Variants in GPCPD1 observed in about 807,000 individuals in gnomAD.
The protein encoded by GPCPD1 is glycerophosphocholine phosphodiesterase 1, also known as glycerophosphocholine phosphodiesterase GPCPD1.
Under a neutral mutation model 89.2 loss-of-function variants are expected in GPCPD1, and 29 were observed. The observed-to-expected ratio is 0.33, with a 90% confidence interval of 0.24 to 0.44. The LOEUF (loss-of-function observed/expected upper bound fraction) is 0.44. GPCPD1 is among the 20% of genes least tolerant of loss of function. The probability of loss-of-function intolerance (pLI) is 1.00; values close to 1 mark genes in which losing one functional copy is unlikely to be tolerated. For synonymous variants in GPCPD1, 258 were observed against 266.3 expected (o/e 0.97, Z 0.30); for missense variants, 594 against 808.9 (o/e 0.73, Z 3.22).
At chr20:5,582,043 G>A (rs1280854271) in intron 6 of GPCPD1, among the ~76,000 whole-genome samples, 8 of 147,342 alleles carry the variant, frequency 5.4e-5, no homozygotes, top group Non-Finnish European at 1.2e-4. Flanking sequence ...AAAATTAGCC[G>A]GGCGTGGTAG....
chr20:5,607,292 AAAAG>A (rs755442867), intron 1 of GPCPD1, among the ~76,000 whole-genome samples: 1 of 149,418 alleles, frequency 6.7e-6, no homozygotes, highest in Non-Finnish European at 1.5e-5. Flanking sequence ...ATCTCAAAAG[AAAAG>A]AAAGAAAGAA....
chr20:5,582,789 T>G (rs1036372163), intron 6 of GPCPD1, among the ~76,000 whole-genome samples: 1 of 151,616 alleles, frequency 6.6e-6, no homozygotes, highest in Admixed American at 6.6e-5. Context: ...CTCAGCAGAC[T>G]GAGGCAGGAG....
In GPCPD1 at chr20:5,546,800, G is replaced by C. The variant is rs1318776578; in HGVS notation, c.*861C>G. 6.6e-6 allele frequency: 1 copy of C among 151,740 alleles called. No individual in the cohort carries two copies. Among genetic ancestry groups the C allele is most frequent in the East Asian group, 1.9e-4 (1 of 5,184 alleles). The allele number at this position is 151,740 out of a possible 1,614,324, so 9.4% of individuals were successfully genotyped here. ...GCCTACAAACAGCCTTTTTTTTTTA[G>C]GCAACAAAATACGTCCAGTCCTTGA... On this transcript the variant is annotated 3_prime_UTR_variant, in exon 20 of 20. Coordinates refer to ENST00000379019, the MANE Select transcript of GPCPD1 (RefSeq NM_019593.5).
rs192368211 is a variant in GPCPD1 at position 5,554,125 on chromosome 20, C to T, written c.1829+3820G>A. ...CTGGGACTACAGGCGCCCGCCACCA[C>T]GCCCGGCTAATTATTATTATTATTA... On this transcript the variant is annotated intron_variant, in intron 19 of 19. Transcript: ENST00000379019. Among the ~76,000 whole-genome samples, 763 of 134,610 alleles carry T rather than the reference C, an allele frequency of 5.7e-3. 130 individuals carry two copies. Among genetic ancestry groups the T allele is most frequent in the South Asian group, 0.013 (54 of 4,164 alleles). 88.3% of individuals were successfully genotyped at this position (134,610 alleles called of 152,430 possible).
intron 2 of GPCPD1, among the ~76,000 whole-genome samples, 166 bp from the exon 3 acceptor site, chr20:5,598,987 C>A (rs1405216836): frequency 2.0e-5 from 3 of 152,094 alleles, no homozygotes; most frequent in Non-Finnish European, 4.4e-5. Flanking sequence ...CTCACTAACA[C>A]CTGCCAATTA....
At chr20:5,595,261 C>G (rs185589713) in intron 3 of GPCPD1, among the ~76,000 whole-genome samples, 64 of 152,066 alleles carry the variant, frequency 4.2e-4, no homozygotes, top group African/African-American at 1.4e-3. Context: ...CAAACCTGCA[C>G]GTTCTGCACA....
At chr20:5,609,873 C>T (rs1331926615) in intron 1 of GPCPD1, among the ~76,000 whole-genome samples, 1 of 150,824 alleles carries the variant, frequency 6.6e-6, no homozygotes, top group Non-Finnish European at 1.5e-5. Context: ...AGACTGATAC[C>T]TTGTATTTAT....
intron 2 of GPCPD1, among the ~76,000 whole-genome samples, chr20:5,602,898 G>A (rs1028730620): frequency 6.6e-6 from 1 of 151,068 alleles, no homozygotes; most frequent in African/African-American, 2.4e-5. Context: ...CAGAAGAATC[G>A]CTTGAATTCG....
chr20:5,576,108 T>A, intron 8 of GPCPD1, 130 bp from the exon 9 acceptor site: 1 of 289,614 alleles, frequency 3.5e-6, no homozygotes, highest in Non-Finnish European at 5.9e-6. Context: ...TATATATATA[T>A]TTTTTTTTTC....
chr20:5,569,473 T>C (rs1986583923), intron 12 of GPCPD1, among the ~76,000 whole-genome samples: 1 of 151,766 alleles, frequency 6.6e-6, no homozygotes, highest in South Asian at 2.1e-4. Context: ...TTTACAGCTA[T>C]GTAAGTTTTT....
At chr20:5,560,117 T>TA in intron 16 of GPCPD1, 41 bp from the exon 17 acceptor site, 2 of 1,433,560 alleles carry the variant, frequency 1.4e-6, no homozygotes, top group Non-Finnish European at 1.9e-6. Context: ...CTGCACATCC[T>TA]AAAATCAGTG....
At chr20:5,568,230 G>GTATATATA (rs3057280) in intron 12 of GPCPD1, among the ~76,000 whole-genome samples, 1,934 of 145,498 alleles carry the variant, frequency 0.013, 49 homozygotes, top group African/African-American at 0.046. Flanking sequence ...AATATACTTA[G>GTATATATA]TATATATATA....
intron 8 of GPCPD1, among the ~76,000 whole-genome samples, chr20:5,577,053 G>GTTTT (rs752262748): frequency 2.4e-5 from 3 of 124,632 alleles, no homozygotes; most frequent in Non-Finnish European, 5.0e-5. Flanking sequence ...AAAAAAAGTT[G>GTTTT]TTTTTTTTTT....
chr20:5,588,297 C>T (rs1359854136), intron 4 of GPCPD1, among the ~76,000 whole-genome samples: 1 of 146,294 alleles, frequency 6.8e-6, no homozygotes, highest in African/African-American at 2.5e-5. Context: ...TTGAGGTCAG[C>T]AGTTTGAGAC....
At chr20:5,561,671 C>G in intron 15 of GPCPD1, 141 bp from the exon 16 acceptor site, 1 of 539,960 alleles carries the variant, frequency 1.9e-6, no homozygotes, top group Non-Finnish European at 3.3e-6. Flanking sequence ...AATGCACAAA[C>G]ATATTTTGTC....
In GPCPD1 at chr20:5,598,809, G is replaced by T. The variant is rs187507776; in HGVS notation, c.62C>A (p.Ala21Glu). ...RGTLLPGEVF[A>E]ICGSCDALGN... ...CAAAGCATCACAGCTTCCACATATC[G>T]CAAAAACTTCTCCTAAAGAAACAGA... Residue 21 changes from alanine to glutamate, a missense_variant, in exon 3 of 20, where the codon GCG (alanine) becomes GAG (glutamate). Transcript: ENST00000379019. 6.2e-7 allele frequency: 1 copy of T among 1,605,700 alleles called. No individual in the cohort carries two copies. Among genetic ancestry groups the T allele is most frequent in the Non-Finnish European group, 8.5e-7 (1 of 1,172,564 alleles).
chr20:5,547,872 A>G (rs3747910), intron 19 of GPCPD1, 22 bp from the exon 20 acceptor site: 285,783 of 1,379,056 alleles, frequency 0.21, 30,460 homozygotes, highest in East Asian at 0.27. Context: ...CAAATACAAA[A>G]CACATAAAAT....
intron 8 of GPCPD1, among the ~76,000 whole-genome samples, chr20:5,577,673 T>C (rs550965586): frequency 9.9e-5 from 15 of 152,172 alleles, no homozygotes; most frequent in African/African-American, 3.1e-4. Context: ...TCAAGACATA[T>C]TCCCTACCCT....
chr20:5,555,630 G>A (rs955205202), intron 19 of GPCPD1, among the ~76,000 whole-genome samples: 3 of 152,208 alleles, frequency 2.0e-5, no homozygotes, highest in African/African-American at 2.4e-5. Flanking sequence ...AGGCCAAGGC[G>A]GGTGGATCAC....
Sources: allele counts gnomAD v4.1 joint callset (sites outside exome capture counted in the v4.1 genomes callset), GRCh38; gene constraint gnomAD v4.1.1; transcripts MANE v1.5; gene names NCBI Gene and HGNC (gene_info 2026-07-23, HGNC 2026-07-21).